Variants in PCDHB10 observed in about 807,000 individuals in gnomAD.
The protein encoded by PCDHB10 is protocadherin beta 10.
For synonymous variants in PCDHB10, 448 were observed against 449.2 expected, an observed-to-expected ratio of 1.00 and a Z score of 0.04; for missense variants, 1,046 against 1,004.7, an observed-to-expected ratio of 1.04 and a Z score of -0.56.
Position 141,194,171 on chromosome 5 carries a change from C to A in PCDHB10, c.1619C>A (p.Ala540Glu), listed in dbSNP as rs1554284324. 1 of 1,604,300 alleles carries A rather than the reference C, an allele frequency of 6.2e-7. No individual in the cohort carries two copies. Among genetic ancestry groups the A allele is most frequent in the African/African-American group, 1.3e-5 (1 of 74,864 alleles). The change falls in exon 1 of 1, where the codon GCG becomes GAG. Residue 540 changes from alanine (A) to glutamate (E), a missense_variant. Physicochemically the swap from Ala to Glu is moderately radical, Grantham distance 107. Coordinates refer to ENST00000239446, the MANE Select transcript of PCDHB10 (RefSeq NM_018930.4). ...GGCGCCACAGACCGCGGCTCCCCCG[C>A]GCTGAGCAGAGAGGCGCTGGTGCGC... ...RVGATDRGSPALSREALVRVL... is the reference protein window; with the variant it reads ...RVGATDRGSPELSREALVRVL...
rs1554283793 is a variant in PCDHB10, at chr5:141,192,419, G to C, written c.-134G>C. 8.7e-7 allele frequency: 1 copy of C among 1,147,022 alleles called. No individual in the cohort carries two copies. Among genetic ancestry groups the C allele is most frequent in the Non-Finnish European group, 1.2e-6 (1 of 803,658 alleles). The allele number at this position is 1,147,022 out of a possible 1,614,324, so 71.1% of individuals were successfully genotyped here. On this transcript the variant is annotated 5_prime_UTR_variant, in exon 1 of 1. Transcript: ENST00000239446. ...TGAACTTAAAAGAGAAGCTTTAGCT[G>C]CCAAAGATTGGGAAAGGGAAAGGAC...
At position 141,192,675 on chromosome 5, in the gene PCDHB10, A is replaced by G. The variant is rs61739620; in HGVS notation, c.123A>G (p.Lys41=). ...ATTCGGTGACTGAGGAAACAGAGAA[A>G]GGATCCTTTGTGGTCAATCTGGCAA... ...GRYSVTEETE[K]GSFVVNLAKD... Residue 41 remains lysine, a synonymous_variant, in exon 1 of 1, where the codon AAA becomes AAG. Transcript: ENST00000239446. 4.1e-3 allele frequency: 6,586 copies of G among 1,613,938 alleles called. 224 individuals carry two copies. In the African/African-American group the frequency reaches 0.067, roughly 16 times the overall value.
chr5:141,194,785 G>C lies in PCDHB10; in HGVS notation c.2233G>C (p.Glu745Gln), dbSNP rs1554284503. The C allele has an allele frequency of 6.2e-7, 1 of 1,614,098 alleles. No homozygotes were observed. The highest frequency in any genetic ancestry group is 8.5e-7 in the Non-Finnish European group (1 of 1,180,002). ...PGHLVDVRGA[E>Q]TLSQSYQYEV... ...GCATCTGGTGGACGTGAGGGGCGCT[G>C]AGACCCTGTCCCAGAGCTACCAGTA... is the stretch of plus-strand genomic sequence containing the variant. The change falls in exon 1 of 1, where the codon GAG becomes CAG. Residue 745 changes from glutamate (E) to glutamine (Q), a missense_variant. Transcript: ENST00000239446.
chr5:141,194,195 G>A lies in PCDHB10; in HGVS notation c.1643G>A (p.Arg548His), dbSNP rs1229546777. Reference sequence around the variant, plus strand: ...GCGCTGAGCAGAGAGGCGCTGGTGCGCGTGCTGGTGCTGGACGCCAACGAC... The same window carrying A: ...GCGCTGAGCAGAGAGGCGCTGGTGCACGTGCTGGTGCTGGACGCCAACGAC... ...SPALSREALV[R>H]VLVLDANDNS... is the part of the protein sequence containing the mutation. Residue 548 changes from arginine to histidine, a missense_variant, in exon 1 of 1, where the codon CGC becomes CAC. Arg to His is a conservative substitution (Grantham distance 29). Transcript: ENST00000239446. The A allele has an allele frequency of 1.0e-5, 16 of 1,603,066 alleles. No individual in the cohort carries two copies. The highest frequency in any genetic ancestry group is 6.7e-5 in the Admixed American group (4 of 59,608).
chr5:141,193,418 G>A lies in PCDHB10; in HGVS notation c.866G>A (p.Arg289Gln), dbSNP rs782127049. ...TTTTTTGATGCCTCAGAAAATATTC[G>A]AACAACCTTTCAAATCAATCCTTTT... The part of the protein sequence containing the change: ...YSFFDASENI[R>Q]TTFQINPFSG... The change falls in exon 1 of 1, where the codon CGA (arginine) becomes CAA (glutamine). Residue 289 changes from arginine to glutamine, a missense_variant. Physicochemically the swap from Arg to Gln is conservative, Grantham distance 43. Coordinates refer to ENST00000239446, the MANE Select transcript of PCDHB10 (RefSeq NM_018930.4). 2.3e-5 allele frequency: 37 copies of A among 1,613,962 alleles called. No individual in the cohort carries two copies. The highest frequency in any genetic ancestry group is 3.0e-5 in the Non-Finnish European group (35 of 1,180,020).
At position 141,193,456 on chromosome 5, in the gene PCDHB10, T is replaced by C; in HGVS notation, c.904T>C (p.Phe302Leu). The change falls in exon 1 of 1, where the codon TTT becomes CTT. Residue 302 changes from phenylalanine to leucine, a missense_variant. Transcript: ENST00000239446. ...FQINPFSGEI[F>L]LRELLDYELV... ...AATCAATCCTTTTTCTGGGGAAATC[T>C]TTCTCAGAGAATTGCTTGATTATGA... is the stretch of plus-strand genomic sequence containing the variant. 1 of 1,614,140 alleles carries C rather than the reference T, an allele frequency of 6.2e-7. No homozygotes were observed. The highest frequency in any genetic ancestry group is 8.5e-7 in the Non-Finnish European group (1 of 1,180,010).
chr5:141,194,167 C>T lies in PCDHB10; in HGVS notation c.1615C>T (p.Pro539Ser), dbSNP rs1554284321. ...CGTGGGCGCCACAGACCGCGGCTCC[C>T]CCGCGCTGAGCAGAGAGGCGCTGGT... The part of the protein sequence containing the change: ...FRVGATDRGS[P>S]ALSREALVRV... Residue 539 changes from proline (P) to serine (S), a missense_variant, in exon 1 of 1, where the codon CCC becomes TCC. Transcript: ENST00000239446. The T allele has an allele frequency of 6.2e-7, 1 of 1,604,600 alleles. No homozygotes were observed. Among genetic ancestry groups the T allele is most frequent in the South Asian group, 1.1e-5 (1 of 90,826 alleles).
rs782621624 is a variant in PCDHB10 at position 141,193,835 on chromosome 5, C to T, written c.1283C>T (p.Thr428Ile). 5.6e-6 allele frequency: 9 copies of T among 1,614,126 alleles called. No individual in the cohort carries two copies. In the East Asian group the frequency reaches 1.3e-4, roughly 24 times the overall value. The change falls in exon 1 of 1, where the codon ACA (threonine) becomes ATA (isoleucine). Residue 428 changes from threonine to isoleucine, a missense_variant. By Grantham distance (89) the Thr-to-Ile change is moderately conservative (BLOSUM62 -1). Coordinates refer to ENST00000239446, the MANE Select transcript of PCDHB10 (RefSeq NM_018930.4). ...NITITVTDLG[T>I]PRLKTEHNIT... ...ACTATCACCGTCACTGACTTGGGGA[C>T]ACCCAGGCTGAAAACCGAGCACAAC...
rs143684689 is a variant in PCDHB10, at chr5:141,194,921, C to G, written c.2369C>G (p.Thr790Ser). 13 of 1,611,992 alleles carry G rather than the reference C, an allele frequency of 8.1e-6. No homozygotes were observed. The highest frequency in any genetic ancestry group is 3.3e-5 in the Admixed American group (2 of 59,714). The change falls in exon 1 of 1, where the codon ACC becomes AGC. Residue 790 changes from threonine (T) to serine (S), a missense_variant. Coordinates refer to ENST00000239446, the MANE Select transcript of PCDHB10 (RefSeq NM_018930.4). ...GGGAGGAAGGGTGAAGAAAATTCCA[C>G]CTTCCGAAATAGCTTTGGATTTAAT... ...GPGRKGEENS[T>S]FRNSFGFNIQ
At position 141,193,866 on chromosome 5, in the gene PCDHB10, G is replaced by T. The variant is rs610836; in HGVS notation, c.1314G>T (p.Thr438=). 4 of 1,611,900 alleles carry T rather than the reference G, an allele frequency of 2.5e-6. No individual in the cohort carries two copies. Among genetic ancestry groups the T allele is most frequent in the South Asian group, 1.1e-5 (1 of 91,008 alleles). Residue 438 remains threonine, a synonymous_variant, in exon 1 of 1, where the codon ACG becomes ACT. Transcript: ENST00000239446. ...GGCTGAAAACCGAGCACAACATAAC[G>T]GTCCTGGTCTCCGACGTCAATGACA... ...TPRLKTEHNI[T]VLVSDVNDNA... is the part of the protein sequence containing the mutation.
In PCDHB10 at chr5:141,192,679, T is replaced by A; in HGVS notation, c.127T>A (p.Ser43Thr). The change falls in exon 1 of 1, where the codon TCC becomes ACC. Residue 43 changes from serine (S) to threonine (T), a missense_variant. Transcript: ENST00000239446. ...GGTGACTGAGGAAACAGAGAAAGGA[T>A]CCTTTGTGGTCAATCTGGCAAAGGA... ...YSVTEETEKGSFVVNLAKDLG... is the reference protein window; with the variant it reads ...YSVTEETEKGTFVVNLAKDLG... 1 of 1,613,732 alleles carries A rather than the reference T, an allele frequency of 6.2e-7. No homozygotes were observed. The highest frequency in any genetic ancestry group is 2.2e-5 in the East Asian group (1 of 44,854).
At position 141,193,899 on chromosome 5, in the gene PCDHB10, C is replaced by T; in HGVS notation, c.1347C>T (p.Pro449=). 1.2e-6 allele frequency: 2 copies of T among 1,613,646 alleles called. No homozygotes were observed. Among genetic ancestry groups the T allele is most frequent in the South Asian group, 2.2e-5 (2 of 91,046 alleles). The stretch of plus-strand genomic sequence containing the variant: ...TCTCCGACGTCAATGACAACGCCCC[C>T]GCCTTCACCCAAACCTCCTACACCC... ...VLVSDVNDNA[P]AFTQTSYTLF... is the part of the protein sequence containing the mutation. Residue 449 remains proline (P), a synonymous_variant, in exon 1 of 1, where the codon CCC becomes CCT. Transcript: ENST00000239446.
rs187960874 is a variant in PCDHB10 at position 141,195,592 on chromosome 5, A to T, written c.*637A>T. On this transcript the variant is annotated 3_prime_UTR_variant, in exon 1 of 1. Transcript: ENST00000239446. The stretch of plus-strand genomic sequence containing the variant: ...AGACTATGCCTTATAATTGAAATAA[A>T]ATTATAATCTGCCTGAAAATGAATA... 6.0e-6 allele frequency: 1 copy of T among 166,640 alleles called. No individual in the cohort carries two copies. Among genetic ancestry groups the T allele is most frequent in the East Asian group, 1.9e-4 (1 of 5,194 alleles). 10.3% of individuals were successfully genotyped at this position (166,640 alleles called of 1,614,324 possible). A position where few individuals can be genotyped will look rare whatever the true frequency, so the allele number is the denominator to read the frequency against.
In PCDHB10 at chr5:141,192,592, G is replaced by A; in HGVS notation, c.40G>A (p.Val14Ile). The change falls in exon 1 of 1, where the codon GTC becomes ATC. Residue 14 changes from valine (V) to isoleucine (I), a missense_variant. Physicochemically the swap from Val to Ile is conservative, Grantham distance 29 (BLOSUM62 3). Transcript: ENST00000239446. ...RELCFPRQRQ[V>I]LFLFLFWGVS... ...GTTGTGCTTCCCAAGACAAAGGCAAGTCCTGTTTCTTTTTCTTTTTTGGGG... is the reference window on the plus strand; with the variant it reads ...GTTGTGCTTCCCAAGACAAAGGCAAATCCTGTTTCTTTTTCTTTTTTGGGG... 6.2e-7 allele frequency: 1 copy of A among 1,614,158 alleles called. No individual in the cohort carries two copies. The highest frequency in any genetic ancestry group is 1.1e-5 in the South Asian group (1 of 91,072).
rs577278295 is a variant in PCDHB10 at position 141,194,454 on chromosome 5, C to T, written c.1902C>T (p.Asp634=). ...VRTARLLSER[D]AAKHRLVVLV... ...CCGCCAGGCTGCTGAGCGAGCGCGA[C>T]GCAGCCAAGCACAGGCTCGTGGTGC... Residue 634 remains aspartate (D), a synonymous_variant, in exon 1 of 1, where the codon GAC becomes GAT. Coordinates refer to ENST00000239446, the MANE Select transcript of PCDHB10 (RefSeq NM_018930.4). The T allele has an allele frequency of 1.0e-5, 16 of 1,604,094 alleles. No homozygotes were observed. Among genetic ancestry groups the T allele is most frequent in the Middle Eastern group, 2.2e-4 (1 of 4,456 alleles).
In PCDHB10 at chr5:141,193,526, G is replaced by T; in HGVS notation, c.974G>T (p.Gly325Val). 6.2e-7 allele frequency: 1 copy of T among 1,614,112 alleles called. No individual in the cohort carries two copies. Among genetic ancestry groups the T allele is most frequent in the Non-Finnish European group, 8.5e-7 (1 of 1,180,030 alleles). The change falls in exon 1 of 1, where the codon GGA (glycine) becomes GTA (valine). Residue 325 changes from glycine to valine, a missense_variant. Physicochemically the swap from Gly to Val is moderately radical, Grantham distance 109 (BLOSUM62 -3). Transcript: ENST00000239446. The part of the protein sequence containing the change: ...YKINIQAMDG[G>V]GLSARCRVLV... ...ATAAATATACAGGCAATGGACGGTGGAGGCCTTTCTGCAAGATGTAGGGTT... is the reference window on the plus strand; with the variant it reads ...ATAAATATACAGGCAATGGACGGTGTAGGCCTTTCTGCAAGATGTAGGGTT...
rs1413433413 is a variant in PCDHB10, at chr5:141,194,527, C to A, written c.1975C>A (p.His659Asn). The A allele has an allele frequency of 6.3e-7, 1 of 1,581,604 alleles. No individual in the cohort carries two copies. Among genetic ancestry groups the A allele is most frequent in the Non-Finnish European group, 8.6e-7 (1 of 1,167,866 alleles). The change falls in exon 1 of 1, where the codon CAC (histidine) becomes AAC (asparagine). Residue 659 changes from histidine to asparagine, a missense_variant. By Grantham distance (68) the His-to-Asn change is moderately conservative (BLOSUM62 1). Transcript: ENST00000239446. Reference sequence around the variant, plus strand: ...TCCTCGCTCGGCCACCGCCACGCTGCACTTGCTCCTGGTGGACGGCTTCTC... The same window carrying A: ...TCCTCGCTCGGCCACCGCCACGCTGAACTTGCTCCTGGTGGACGGCTTCTC... ...EPPRSATATL[H>N]LLLVDGFSQP...
In PCDHB10 at chr5:141,192,689, T is replaced by A; in HGVS notation, c.137T>A (p.Val46Asp). 3.7e-6 allele frequency: 6 copies of A among 1,613,842 alleles called. No homozygotes were observed. The highest frequency in any genetic ancestry group is 5.1e-6 in the Non-Finnish European group (6 of 1,179,938). The change falls in exon 1 of 1, where the codon GTC (valine) becomes GAC (aspartate). Residue 46 changes from valine to aspartate, a missense_variant. Physicochemically the swap from Val to Asp is radical, Grantham distance 152. Transcript: ENST00000239446. ...TEETEKGSFV[V>D]NLAKDLGLAE... is the part of the protein sequence containing the mutation. ...GAAACAGAGAAAGGATCCTTTGTGG[T>A]CAATCTGGCAAAGGATCTGGGACTA...
chr5:141,193,308 A>C lies in PCDHB10; in HGVS notation c.756A>C (p.Pro252=). The change falls in exon 1 of 1, where the codon CCA becomes CCC. Residue 252 remains proline (P), a synonymous_variant. Transcript: ENST00000239446. ...AGGCTCTGTATGAGACCCAGGCTCCAGAAAACAGCCCCATTGGGTTCCTTA... is the reference window on the plus strand; with the variant it reads ...AGGCTCTGTATGAGACCCAGGCTCCCGAAAACAGCCCCATTGGGTTCCTTA... ...FAQALYETQA[P]ENSPIGFLIV... 6.2e-7 allele frequency: 1 copy of C among 1,614,118 alleles called. No homozygotes were observed. The highest frequency in any genetic ancestry group is 1.1e-5 in the South Asian group (1 of 91,068).
Sources: allele counts gnomAD v4.1 joint callset, GRCh38; gene constraint gnomAD v4.1.1; transcripts MANE v1.5; gene names NCBI Gene and HGNC (gene_info 2026-07-23, HGNC 2026-07-21).